The following MBD5 variants were observed in gnomAD, a reference collection of about 807,000 sequenced individuals.
The protein encoded by MBD5 is methyl-CpG binding domain protein 5.
Under a neutral mutation model 117.3 loss-of-function variants are expected in MBD5, and 13 were observed. That is an observed-to-expected ratio of 0.11 (90% CI 0.07 to 0.18). MBD5 has a LOEUF of 0.18. MBD5 is among the 10% of genes least tolerant of loss of function. The pLI, the probability that MBD5 is intolerant of heterozygous loss-of-function variation, is 1.00. For missense variants in MBD5, 1,879 were observed against 2,093.8 expected (o/e 0.90, Z 2.00); for synonymous variants, 727 against 766.4 (o/e 0.95, Z 0.85).
At chr2:148,133,653 G>A (rs144286831) in intron 1 of MBD5, among the ~76,000 whole-genome samples, 1,885 of 152,124 alleles carry the variant, frequency 0.012, 44 homozygotes, top group African/African-American at 0.043. Context: ...GTGAAACCCC[G>A]TCTCTACTAA....
chr2:148,391,513 A>G (rs1391204849), intron 4 of MBD5, among the ~76,000 whole-genome samples: 2 of 152,148 alleles, frequency 1.3e-5, no homozygotes, highest in Non-Finnish European at 2.9e-5. Context: ...GCCTGAATGT[A>G]ATGTTTGACT....
At chr2:148,293,405 C>G (rs1306865270) in intron 3 of MBD5, among the ~76,000 whole-genome samples, 2 of 152,052 alleles carry the variant, frequency 1.3e-5, no homozygotes, top group African/African-American at 4.8e-5. Context: ...TGGTTTATAT[C>G]TCAAAGGATA....
At chr2:148,102,355 A>G (rs1474016022) in intron 1 of MBD5, among the ~76,000 whole-genome samples, 1 of 152,198 alleles carries the variant, frequency 6.6e-6, no homozygotes, top group Non-Finnish European at 1.5e-5. Context: ...TGTTTCTGTC[A>G]GGTGCTTTAC....
chr2:148,109,684 A>G (rs1025821304), intron 1 of MBD5, among the ~76,000 whole-genome samples: 14 of 152,226 alleles, frequency 9.2e-5, no homozygotes, highest in African/African-American at 3.4e-4. Context: ...TTTTGTGTAT[A>G]TCAGTTATAA....
intron 1 of MBD5, among the ~76,000 whole-genome samples, chr2:148,036,920 A>C (rs899011159): frequency 2.0e-5 from 3 of 152,098 alleles, no homozygotes; most frequent in Non-Finnish European, 4.4e-5. Context: ...ACTGATGAAC[A>C]GTTTGGTTGG....
At chr2:148,411,491 G>A (rs1390685202) in intron 4 of MBD5, among the ~76,000 whole-genome samples, 1 of 150,324 alleles carries the variant, frequency 6.7e-6, no homozygotes, top group Admixed American at 6.7e-5. Context: ...ACTTTTCTCC[G>A]GGAACTTACC....
At chr2:148,229,573 G>A (rs1024626144) in intron 2 of MBD5, among the ~76,000 whole-genome samples, 1 of 152,052 alleles carries the variant, frequency 6.6e-6, no homozygotes, top group African/African-American at 2.4e-5. Flanking sequence ...TGATGTCTGG[G>A]CATTTAAGGG....
chr2:148,435,493 C>T (rs1021162838), intron 4 of MBD5, among the ~76,000 whole-genome samples: 1 of 152,110 alleles, frequency 6.6e-6, no homozygotes, highest in Non-Finnish European at 1.5e-5. Context: ...TTCTCCTTCA[C>T]TTGTGAAGCT....
intron 5 of MBD5, among the ~76,000 whole-genome samples, chr2:148,459,748 A>T (rs1446152971): frequency 6.6e-6 from 1 of 152,158 alleles, no homozygotes; most frequent in Admixed American, 6.6e-5. Context: ...TAGAAATGAG[A>T]TATTTTTGGT....
intron 1 of MBD5, among the ~76,000 whole-genome samples, chr2:148,174,024 T>C (rs940899775): frequency 2.0e-5 from 3 of 152,118 alleles, no homozygotes; most frequent in Non-Finnish European, 4.4e-5. Context: ...GGCATCACAC[T>C]ACCTGAATTC....
intron 1 of MBD5, among the ~76,000 whole-genome samples, chr2:148,073,015 G>T (rs570903180): frequency 6.6e-6 from 1 of 152,166 alleles, no homozygotes; most frequent in South Asian, 2.1e-4. Context: ...TTATTCCCAA[G>T]GCCTTAGGCA....
intron 1 of MBD5, among the ~76,000 whole-genome samples, chr2:148,076,838 C>G (rs904652534): frequency 6.6e-6 from 1 of 152,192 alleles, no homozygotes; most frequent in African/African-American, 2.4e-5. Context: ...ACGCATCCAT[C>G]CCTCTTCTCT....
chr2:148,254,740 A>G (rs1403620043), intron 3 of MBD5, among the ~76,000 whole-genome samples: 1 of 152,150 alleles, frequency 6.6e-6, no homozygotes, highest in East Asian at 1.9e-4. Context: ...GTGTGATGAC[A>G]TGTGTTATGT....
At position 148,469,834 on chromosome 2, in the gene MBD5, C is replaced by G. The variant is rs373203089; in HGVS notation, c.1891C>G (p.Leu631Val). 30 of 1,613,942 alleles carry G rather than the reference C, an allele frequency of 1.9e-5. No homozygotes were observed. Among genetic ancestry groups the G allele is most frequent in the Non-Finnish European group, 2.5e-5 (29 of 1,179,884 alleles). Residue 631 changes from leucine to valine, a missense_variant, in exon 8 of 14, where the codon CTT becomes GTT. Physicochemically the swap from Leu to Val is conservative, Grantham distance 32 (BLOSUM62 1). Coordinates refer to ENST00000642680, the MANE Select transcript of MBD5 (RefSeq NM_001378120.1). The stretch of plus-strand genomic sequence containing the variant: ...CATGTTCCCTCCTACTGCCAACATG[C>G]TTCTCCCAACAGGTGAAGGGCAAAG... ...NTMFPPTANM[L>V]LPTGEGQSGR...
In MBD5 at chr2:148,490,194, C is replaced by T; in HGVS notation, c.4562C>T (p.Ala1521Val). 2 of 1,614,094 alleles carry T rather than the reference C, an allele frequency of 1.2e-6. No homozygotes were observed. The highest frequency in any genetic ancestry group is 1.7e-6 in the Non-Finnish European group (2 of 1,180,006). ...ERLENTVERC[A>V]HINGNRPRQS... ...CTAGAGAACACTGTGGAAAGATGTG[C>T]ACACATAAATGGGAATAGACCTCGA... is the stretch of plus-strand genomic sequence containing the variant. The change falls in exon 11 of 14, where the codon GCA (alanine) becomes GTA (valine). Residue 1521 changes from alanine (A) to valine (V), a missense_variant. By Grantham distance (64) the Ala-to-Val change is moderately conservative. Around this residue, in one of 4 missense-constraint regions of MBD5, gnomAD observed 1,666 missense variants for 1,792.2 expected, o/e 0.93. Coordinates refer to ENST00000642680, the MANE Select transcript of MBD5 (RefSeq NM_001378120.1).
At chr2:148,148,836 C>T (rs951092648) in intron 1 of MBD5, among the ~76,000 whole-genome samples, 19 of 152,070 alleles carry the variant, frequency 1.2e-4, no homozygotes, top group African/African-American at 4.3e-4. Flanking sequence ...ATGAACTTAT[C>T]ATCTTCTACA....
At chr2:148,496,094 A>G (rs1681694314) in intron 11 of MBD5, among the ~76,000 whole-genome samples, 2 of 152,202 alleles carry the variant, frequency 1.3e-5, no homozygotes, top group Non-Finnish European at 2.9e-5. Context: ...TTCTTGGTGT[A>G]TTCACTTTGC....
intron 1 of MBD5, among the ~76,000 whole-genome samples, chr2:148,105,953 G>A (rs528941990): frequency 2.0e-5 from 3 of 151,850 alleles, no homozygotes; most frequent in African/African-American, 7.3e-5. Flanking sequence ...TTATATTTTT[G>A]TTAATAAATT....
At position 148,483,156 on chromosome 2, in the gene MBD5, C is replaced by T. The variant is rs2105071741; in HGVS notation, c.2565C>T (p.His855=). The change falls in exon 9 of 14, where the codon CAC becomes CAT. Residue 855 remains histidine (H), a synonymous_variant. Coordinates refer to ENST00000642680, the MANE Select transcript of MBD5 (RefSeq NM_001378120.1). The stretch of plus-strand genomic sequence containing the variant: ...CCATAGCCATAGCGGGCACCAACCA[C>T]CCTGCCATCACAAAGACAACATCTG... ...SSSIAIAGTN[H]PAITKTTSVL... The T allele has an allele frequency of 2.9e-5, 46 of 1,613,546 alleles. No individual in the cohort carries two copies. Among genetic ancestry groups the T allele is most frequent in the Non-Finnish European group, 3.9e-5 (46 of 1,179,944 alleles).
Sources: gnomAD v4.1 joint callset for allele counts (sites outside exome capture counted in the v4.1 genomes callset) on GRCh38, gnomAD v4.1.1 for gene constraint, gnomAD v4.1.1 regional missense constraint, MANE v1.5 for transcripts, NCBI Gene and HGNC (gene_info 2026-07-23, HGNC 2026-07-21) for gene names.